Variants in FANCI observed in about 807,000 individuals in gnomAD.
FANCI encodes FA complementation group I, also known as Fanconi anemia group I protein.
In FANCI, 156 loss-of-function variants were observed where a neutral mutation model predicts 176.1. That is an observed-to-expected ratio of 0.89 (90% CI 0.78 to 1.01). The LOEUF (loss-of-function observed/expected upper bound fraction) is 1.01. Ranked by LOEUF, FANCI falls within the 50% of genes least tolerant of loss-of-function variation. FANCI has a pLI of 0.00. For missense variants in FANCI, 1,678 were observed against 1,534.1 expected, an observed-to-expected ratio of 1.09 and a Z score of -1.57; for synonymous variants, 613 against 541.7, an observed-to-expected ratio of 1.13 and a Z score of -1.83.
At chr15:89,246,416 A>G (rs116108227) in intron 1 of FANCI, among the ~76,000 whole-genome samples, 1,769 of 152,246 alleles carry the variant, frequency 0.012, 30 homozygotes, top group African/African-American at 0.04. Context: ...CTTTTGCTCA[A>G]ATTTTTTAAT....
chr15:89,244,354 A>G (rs753649871), intron 1 of FANCI: 1 of 152,222 alleles, frequency 6.6e-6, no homozygotes, highest in Non-Finnish European at 1.5e-5. Context: ...CTCCATCACC[A>G]GCTGCTTCGT....
Position 89,268,454 on chromosome 15 carries a change from A to G in FANCI, c.811A>G (p.Ile271Val), listed in dbSNP as rs778263817. 6.8e-6 allele frequency: 11 copies of G among 1,614,046 alleles called. No individual in the cohort carries two copies. Among genetic ancestry groups the G allele is most frequent in the African/African-American group, 1.3e-5 (1 of 74,916 alleles). Residue 271 changes from isoleucine (I) to valine (V), a missense_variant, in exon 10 of 38, where the codon ATT becomes GTT. Ile to Val is a conservative substitution (Grantham distance 29). This residue lies in a region of FANCI where 469 missense variants were observed against 436.9 expected (regional missense o/e 1.07). Transcript: ENST00000310775. ...SGELRHVEGTIILHIVFAIKL... is the reference protein window; with the variant it reads ...SGELRHVEGTVILHIVFAIKL... The stretch of plus-strand genomic sequence containing the variant: ...TGAACTTCGTCATGTGGAAGGCACC[A>G]TTATTCTACACATTGTGTTTGCCAT...
At chr15:89,272,162 T>G (rs999742780) in intron 10 of FANCI, among the ~76,000 whole-genome samples, 4 of 152,212 alleles carry the variant, frequency 2.6e-5, no homozygotes, top group African/African-American at 9.6e-5. Flanking sequence ...AAACAGTACC[T>G]CATTGAGGTT....
chr15:89,302,914 A>G (rs1436956006), intron 27 of FANCI, among the ~76,000 whole-genome samples: 1 of 152,198 alleles, frequency 6.6e-6, no homozygotes, highest in Admixed American at 6.5e-5. Flanking sequence ...ATAAAGTCCT[A>G]TGATTTGAAA....
At chr15:89,270,882 T>C (rs952071001) in intron 10 of FANCI, among the ~76,000 whole-genome samples, 3 of 152,190 alleles carry the variant, frequency 2.0e-5, no homozygotes, top group East Asian at 1.9e-4. Flanking sequence ...GCCATGTCTC[T>C]AAAAAGCCCT....
At chr15:89,313,104 T>C (rs2055035255) in intron 35 of FANCI, 132 bp downstream of exon 35, 12 of 895,212 alleles carry the variant, frequency 1.3e-5, no homozygotes, top group Non-Finnish European at 2.0e-5. Context: ...ATAAATCATC[T>C]AAAAAGGCAA....
chr15:89,253,043 ACAC>A (rs1017989591), intron 2 of FANCI, among the ~76,000 whole-genome samples: 1 of 152,236 alleles, frequency 6.6e-6, no homozygotes, highest in Non-Finnish European at 1.5e-5. Context: ...CAGAGACTAA[ACAC>A]CACAAAAACT....
chr15:89,286,977 C>CTTTTCTTTTT (rs2053839413), intron 18 of FANCI, among the ~76,000 whole-genome samples: 2 of 86,040 alleles, frequency 2.3e-5, no homozygotes, highest in Non-Finnish European at 4.3e-5. Flanking sequence ...TCACCTTGCA[C>CTTTTCTTTTT]TTTTTTTTTT....
intron 32 of FANCI, 97 bp from the exon 33 acceptor site, chr15:89,307,379 C>A: frequency 8.2e-7 from 1 of 1,225,566 alleles, no homozygotes; most frequent in Non-Finnish European, 1.2e-6. Flanking sequence ...TTTTCCTCTT[C>A]AGTCAGAATG....
intron 14 of FANCI, among the ~76,000 whole-genome samples, chr15:89,279,511 A>G (rs561755508): frequency 6.6e-6 from 1 of 152,306 alleles, no homozygotes; most frequent in African/African-American, 2.4e-5. Flanking sequence ...ACTAGCCTTC[A>G]TCACAAATTT....
At chr15:89,267,830 G>A (rs892697354) in intron 9 of FANCI, among the ~76,000 whole-genome samples, 2 of 152,166 alleles carry the variant, frequency 1.3e-5, no homozygotes, top group East Asian at 1.9e-4. Context: ...AGGAGGCTGA[G>A]GTGGGAGGAT....
In FANCI at chr15:89,261,667, G is replaced by A; in HGVS notation, c.371G>A (p.Gly124Glu). ...SAVREGSLVN[G>E]KSLELLPIIL... ...GTCAGAGAAGGCAGCCTAGTGAATG[G>A]AAAATCTTTGGAGTTACTACCTATC... Residue 124 changes from glycine (G) to glutamate (E), a missense_variant, in exon 5 of 38, where the codon GGA (glycine) becomes GAA (glutamate). Transcript: ENST00000310775. 1 of 1,614,120 alleles carries A rather than the reference G, an allele frequency of 6.2e-7. No individual in the cohort carries two copies. Among genetic ancestry groups the A allele is most frequent in the Non-Finnish European group, 8.5e-7 (1 of 1,180,014 alleles).
chr15:89,316,986 CTTTTTATATAAGTGTGTCTTAGATATA>C lies in FANCI; in HGVS notation c.*532_*558del, dbSNP rs1596347531. On this transcript the variant is annotated 3_prime_UTR_variant, in exon 38 of 38. Coordinates refer to ENST00000310775, the MANE Select transcript of FANCI (RefSeq NM_001113378.2). ...GTTACATGTTAGGAGGGTCTGTTTT[CTTTTTATATAAGTGTGTCTTAGATATA>C]TTTTAAATAGAAAATAAGCTTTCTG... 3.0e-6 allele frequency: 2 copies of C among 667,684 alleles called. No individual in the cohort carries two copies. The highest frequency in any genetic ancestry group is 5.5e-5 in the East Asian group (2 of 36,608). The allele number at this position is 667,684 out of a possible 1,614,324, so 41.4% of individuals were successfully genotyped here. A position where few individuals can be genotyped will look rare whatever the true frequency, so the allele number is the denominator to read the frequency against.
chr15:89,313,182 C>T (rs1435534079), intron 35 of FANCI, among the ~76,000 whole-genome samples: 3 of 150,874 alleles, frequency 2.0e-5, no homozygotes, highest in Non-Finnish European at 4.4e-5. Context: ...CAGCTAAAAA[C>T]GGTATGGAAT....
chr15:89,259,263 T>C (rs2052621408), intron 3 of FANCI: 1 of 160,546 alleles, frequency 6.2e-6, no homozygotes, highest in Admixed American at 5.8e-5. Flanking sequence ...TTTTATAAAT[T>C]CTGGTAGGAT....
Position 89,292,872 on chromosome 15 carries a change from C to T in FANCI, c.2169+8C>T. 1 of 1,614,070 alleles carries T rather than the reference C, an allele frequency of 6.2e-7. No individual in the cohort carries two copies. The highest frequency in any genetic ancestry group is 8.5e-7 in the Non-Finnish European group (1 of 1,179,998). ...CTGGAAGACTTTGAACTGGTAATTG[C>T]TAAGTCCTCAGCTGTATTGAATGAT... On this transcript the variant is annotated splice_region_variant and intron_variant, in intron 21 of 37. Coordinates refer to ENST00000310775, the MANE Select transcript of FANCI (RefSeq NM_001113378.2).
intron 19 of FANCI, chr15:89,290,603 A>G: frequency 3.7e-6 from 1 of 270,350 alleles, no homozygotes; most frequent in Non-Finnish European, 7.2e-6. Context: ...GAAAAAAGAA[A>G]TCCAAAACAA....
At chr15:89,287,627 C>T (rs1247847579) in intron 18 of FANCI, among the ~76,000 whole-genome samples, 1 of 152,224 alleles carries the variant, frequency 6.6e-6, no homozygotes, top group Non-Finnish European at 1.5e-5. Context: ...CAGCTTGTAA[C>T]ATGCCTTACT....
At chr15:89,286,517 G>C (rs981164603) in intron 18 of FANCI, among the ~76,000 whole-genome samples, 5 of 152,170 alleles carry the variant, frequency 3.3e-5, no homozygotes, top group African/African-American at 1.2e-4. Context: ...TAGATGCCTA[G>C]GTGCACTATC....
Sources: gnomAD v4.1 joint callset for allele counts (sites outside exome capture counted in the v4.1 genomes callset) on GRCh38, gnomAD v4.1.1 for gene constraint, gnomAD v4.1.1 regional missense constraint, MANE v1.5 for transcripts, NCBI Gene and HGNC (gene_info 2026-07-23, HGNC 2026-07-21) for gene names.